Variants in PCLO observed in about 807,000 individuals in gnomAD.
PCLO encodes piccolo presynaptic cytomatrix protein.
Under a neutral mutation model 427.5 loss-of-function variants are expected in PCLO, and 82 were observed. The observed-to-expected ratio is 0.19, with a 90% CI of 0.16 to 0.23. PCLO has a LOEUF of 0.23. PCLO is among the 10% of genes least tolerant of loss of function. The pLI is 1.00. For missense variants in PCLO, 6,239 were observed against 6,115.9 expected (o/e 1.02, Z -0.67); for synonymous variants, 2,357 against 2,155.4 (o/e 1.09, Z -2.59).
At chr7:83,132,653 T>A (rs1176085643) in intron 3 of PCLO, among the ~76,000 whole-genome samples, 1 of 152,114 alleles carries the variant, frequency 6.6e-6, no homozygotes, top group African/African-American at 2.4e-5. Flanking sequence ...TGTAAAATTT[T>A]AAGTTATAGT....
At chr7:82,818,863 G>C (rs1392394654) in intron 20 of PCLO, among the ~76,000 whole-genome samples, 1 of 152,168 alleles carries the variant, frequency 6.6e-6, no homozygotes, top group African/African-American at 2.4e-5. Flanking sequence ...TTCAAATGCA[G>C]AGTATTATTT....
At chr7:82,831,512 C>T (rs1019231122) in intron 16 of PCLO, among the ~76,000 whole-genome samples, 3 of 152,068 alleles carry the variant, frequency 2.0e-5, no homozygotes, top group African/African-American at 7.2e-5. Context: ...GTTAGGCCTT[C>T]TTTAGAGTTG....
chr7:82,917,848 G>A (rs555991722), intron 6 of PCLO, among the ~76,000 whole-genome samples: 1 of 151,880 alleles, frequency 6.6e-6, no homozygotes, highest in South Asian at 2.1e-4. Flanking sequence ...GAAAAAATAA[G>A]AGTCTATAAA....
intron 22 of PCLO, among the ~76,000 whole-genome samples, chr7:82,791,763 A>G (rs1295492533): frequency 2.0e-5 from 3 of 152,080 alleles, no homozygotes; most frequent in Admixed American, 6.6e-5. Flanking sequence ...TTCCAGTTTT[A>G]CTTTTTTACT....
chr7:82,891,260 T>C (rs2116120350), intron 9 of PCLO, among the ~76,000 whole-genome samples: 1 of 152,230 alleles, frequency 6.6e-6, no homozygotes, highest in Admixed American at 6.6e-5. Flanking sequence ...CTGTTCTTAA[T>C]CACTTCTGCT....
intron 20 of PCLO, 103 bp from the exon 21 acceptor site, chr7:82,805,932 A>G (rs1791449101): frequency 8.8e-7 from 1 of 1,130,548 alleles, no homozygotes; most frequent in African/African-American, 1.6e-5. Context: ...GTGACAAGAA[A>G]CAGCTACTGA....
At chr7:82,990,141 T>C (rs754153841) in intron 3 of PCLO, among the ~76,000 whole-genome samples, 1 of 152,026 alleles carries the variant, frequency 6.6e-6, no homozygotes, top group South Asian at 2.1e-4. Flanking sequence ...AGAGAGGTTG[T>C]AGGAGTTGAG....
At chr7:82,816,281 TA>T (rs1791677141) in intron 20 of PCLO, among the ~76,000 whole-genome samples, 1 of 152,138 alleles carries the variant, frequency 6.6e-6, no homozygotes, top group African/African-American at 2.4e-5. Flanking sequence ...GGACTATTAT[TA>T]AATCAACAAT....
rs749278393 is a variant in PCLO at position 82,956,477 on chromosome 7, G to A, written c.4476C>T (p.Asp1492=). ...CAACAAACTCAGACTTCTCTTTATG[G>A]TCCTTGCTGGAAGGAATATCTTGTT... The part of the protein sequence containing the change: ...DSQQDIPSSK[D]HKEKSEFVDD... Residue 1492 remains aspartate, a synonymous_variant, in exon 5 of 25, where the codon GAC becomes GAT. Coordinates refer to ENST00000333891, the MANE Select transcript of PCLO (RefSeq NM_033026.6). 3 of 1,613,720 alleles carry A rather than the reference G, an allele frequency of 1.9e-6. No individual in the cohort carries two copies. The South Asian group carries it at 3.3e-5, about 18-fold the overall frequency.
In PCLO at chr7:83,155,156, G is replaced by A; in HGVS notation, c.1485C>T (p.Gly495=). 1.3e-6 allele frequency: 2 copies of A among 1,569,800 alleles called. No homozygotes were observed. Among genetic ancestry groups the A allele is most frequent in the Non-Finnish European group, 8.6e-7 (1 of 1,158,330 alleles). The change falls in exon 2 of 25, where the codon GGC becomes GGT. Residue 495 remains glycine, a synonymous_variant. Transcript: ENST00000333891. ...GCTGTTGAGATGGGGGCTTTGCTGA[G>A]CCAGGCTGTTGAGGTGGGGGCTTTG... ...GPAKPPPQQP[G]SAKPPSQQPG...
chr7:82,953,051 A>G lies in PCLO; in HGVS notation c.7902T>C (p.Ser2634=). The G allele has an allele frequency of 1.2e-6, 2 of 1,613,984 alleles. No homozygotes were observed. Among genetic ancestry groups the G allele is most frequent in the Non-Finnish European group, 1.7e-6 (2 of 1,179,870 alleles). Residue 2634 remains serine, a synonymous_variant, in exon 5 of 25, where the codon TCT becomes TCC. Transcript: ENST00000333891. ...PPVTAVEIPI[S]SEQTFYISGA... is the part of the protein sequence containing the mutation. ...CAGAGATGTAGAAGGTCTGTTCTGA[A>G]GAAATTGGAATTTCTACAGCTGTCA...
Position 83,134,242 on chromosome 7 carries a change from T to TATATATCTATATATATATATAA in PCLO, c.3300+7_3300+8insTTATATATATATATAGATATAT. On this transcript the variant is annotated splice_region_variant and intron_variant, in intron 3 of 24. Transcript: ENST00000333891. ...TAATATATATATATATATATATATA[T>TATATATCTATATATATATATAA]AACTTACCTCAGTCAAATGTGGTGT... The TATATATCTATATATATATATAA allele has an allele frequency of 9.4e-7, 1 of 1,065,442 alleles. No homozygotes were observed. Among genetic ancestry groups the TATATATCTATATATATATATAA allele is most frequent in the Non-Finnish European group, 1.3e-6 (1 of 759,048 alleles). 66.0% of individuals were successfully genotyped at this position (1,065,442 alleles called of 1,614,324 possible).
intron 6 of PCLO, among the ~76,000 whole-genome samples, chr7:82,940,652 C>G (rs1795060128): frequency 6.8e-6 from 1 of 147,476 alleles, no homozygotes; most frequent in African/African-American, 2.5e-5. Context: ...ACAGGCTAAG[C>G]TTTTATTTGC....
intron 3 of PCLO, among the ~76,000 whole-genome samples, chr7:83,047,322 A>C (rs891932503): frequency 1.3e-5 from 2 of 152,008 alleles, no homozygotes; most frequent in Admixed American, 6.6e-5. Context: ...ATTTTTTAAC[A>C]TCAAAAAAGA....
intron 22 of PCLO, among the ~76,000 whole-genome samples, chr7:82,761,717 A>G (rs1790436194): frequency 6.6e-6 from 1 of 151,964 alleles, no homozygotes; most frequent in South Asian, 2.1e-4. Flanking sequence ...TTTATCACAG[A>G]TTCATTTATT....
intron 22 of PCLO, among the ~76,000 whole-genome samples, chr7:82,780,571 G>A (rs1052832559): frequency 3.9e-5 from 6 of 152,150 alleles, no homozygotes; most frequent in Non-Finnish European, 7.3e-5. Flanking sequence ...TGTTTTGAAA[G>A]GAGTCTCGCT....
At chr7:82,957,070 T>C (rs1179622902) in intron 4 of PCLO, 135 bp from the exon 5 acceptor site, 15 of 951,308 alleles carry the variant, frequency 1.6e-5, no homozygotes, top group Non-Finnish European at 2.1e-5. Context: ...CTCAGTATTT[T>C]TTAAAAGTTT....
intron 1 of PCLO, among the ~76,000 whole-genome samples, chr7:83,158,518 T>C (rs1021131618): frequency 7.1e-6 from 1 of 139,878 alleles, no homozygotes; most frequent in Non-Finnish European, 1.6e-5. Flanking sequence ...TTAAGCAGAG[T>C]ACCAAAAAAA....
chr7:82,954,927 T>C lies in PCLO; in HGVS notation c.6026A>G (p.Asp2009Gly), dbSNP rs369279251. 4.6e-5 allele frequency: 75 copies of C among 1,613,418 alleles called. No individual in the cohort carries two copies. Among genetic ancestry groups the C allele is most frequent in the Non-Finnish European group, 5.9e-5 (70 of 1,179,778 alleles). Residue 2009 changes from aspartate to glycine, a missense_variant, in exon 5 of 25, where the codon GAC becomes GGC. Asp to Gly is a moderately conservative substitution (Grantham distance 94, BLOSUM62 -1). This residue lies in a region of PCLO where 4,677 missense variants were observed against 4,468.4 expected (regional missense o/e 1.05). Transcript: ENST00000333891. ...IYEDPMQKIT[D>G]LQKEFYELES... The stretch of plus-strand genomic sequence containing the variant: ...TAACTCATAAAACTCTTTCTGGAGG[T>C]CTGTAATTTTCTGCATAGGATCTTC...
Sources: gnomAD v4.1 joint callset for allele counts (sites outside exome capture counted in the v4.1 genomes callset) on GRCh38, gnomAD v4.1.1 for gene constraint, gnomAD v4.1.1 regional missense constraint, MANE v1.5 for transcripts, NCBI Gene and HGNC (gene_info 2026-07-23, HGNC 2026-07-21) for gene names.